TRPM4: variants seen among roughly 807,000 people sequenced by gnomAD.
TRPM4 encodes calcium-activated non-selective cation channel 1.
In TRPM4, 124 loss-of-function variants were observed where a neutral mutation model predicts 135.6. The observed-to-expected ratio is 0.91, with a 90% CI of 0.79 to 1.06. The LOEUF (loss-of-function observed/expected upper bound fraction) is 1.06, where lower values mean the gene tolerates loss of function less well. Ranked by LOEUF, TRPM4 falls within the 50% of genes least tolerant of loss-of-function variation. The pLI is 0.00. For synonymous variants in TRPM4, 745 were observed against 705.6 expected (o/e 1.06, Z -0.88); for missense variants, 1,658 against 1,671.4 (o/e 0.99, Z 0.14).
At chr19:49,191,971 C>G (rs1968428589) in intron 16 of TRPM4, among the ~76,000 whole-genome samples, 1 of 152,204 alleles carries the variant, frequency 6.6e-6, no homozygotes, top group Non-Finnish European at 1.5e-5. Context: ...TTTCTTCATG[C>G]TACACATACT....
At chr19:49,162,600 C>A (rs566625222) in intron 2 of TRPM4, among the ~76,000 whole-genome samples, 1 of 152,130 alleles carries the variant, frequency 6.6e-6, no homozygotes, top group South Asian at 2.1e-4. Flanking sequence ...TGTGGCTCCA[C>A]CGAGGAAAGA....
In TRPM4 at chr19:49,182,847, G is replaced by A; in HGVS notation, c.1533G>A (p.Leu511=). ...PDVGHVLRML[L]GKMCAPRYPS... is the part of the protein sequence containing the mutation. The stretch of plus-strand genomic sequence containing the variant: ...TGGGGCATGTGCTGAGGATGCTGCT[G>A]GGGAAGATGTGCGCGCCGAGGTACC... Residue 511 remains leucine (L), a synonymous_variant, in exon 11 of 25, where the codon CTG becomes CTA. Transcript: ENST00000252826. The A allele has an allele frequency of 6.2e-7, 1 of 1,612,060 alleles. No individual in the cohort carries two copies. Among genetic ancestry groups the A allele is most frequent in the South Asian group, 1.1e-5 (1 of 91,000 alleles).
chr19:49,189,511 G>A (rs1247247969), intron 14 of TRPM4, among the ~76,000 whole-genome samples: 1 of 151,128 alleles, frequency 6.6e-6, no homozygotes, highest in Non-Finnish European at 1.5e-5. Context: ...TCAGTTTTCA[G>A]CAGTTAGAAT....
intron 17 of TRPM4, 26 bp downstream of exon 17, chr19:49,196,900 C>T (rs1400176406): frequency 1.3e-6 from 2 of 1,545,412 alleles, no homozygotes; most frequent in East Asian, 2.4e-5. Flanking sequence ...CCTTGGAACC[C>T]TGGCCCCTGG....
chr19:49,159,482 T>A (rs2041597884), intron 2 of TRPM4: 1 of 149,050 alleles, frequency 6.7e-6, no homozygotes, highest in Admixed American at 6.7e-5. Context: ...CTTTCTAGTT[T>A]TTTGTTTTTT....
intron 19 of TRPM4, 108 bp downstream of exon 19, chr19:49,200,893 T>C (rs1968905170): frequency 8.0e-7 from 1 of 1,252,964 alleles, no homozygotes; most frequent in Admixed American, 2.0e-5. Flanking sequence ...AGTCTCTGTC[T>C]CCCTCTTTCT....
chr19:49,198,048 CAGTGATGAT>C (rs1194359681), intron 17 of TRPM4, among the ~76,000 whole-genome samples: 1 of 152,016 alleles, frequency 6.6e-6, no homozygotes, highest in Non-Finnish European at 1.5e-5. Flanking sequence ...ACAGTGATGA[CAGTGATGAT>C]CCCTACTCAA....
chr19:49,190,275 CCTT>C lies in TRPM4; in HGVS notation c.2091_2093del (p.Phe698del). ...ACACCCATCTGGGCCCTGGTTCTCG[CCTT>C]CTTTTGCCCTCCACTCATCTACACC... is the stretch of plus-strand genomic sequence containing the variant. On this transcript the variant is annotated inframe_deletion, in exon 15 of 25. Coordinates refer to ENST00000252826, the MANE Select transcript of TRPM4 (RefSeq NM_017636.4). 1.9e-6 allele frequency: 3 copies of C among 1,613,868 alleles called. No homozygotes were observed. Among genetic ancestry groups the C allele is most frequent in the Admixed American group, 1.7e-5 (1 of 59,994 alleles).
rs750433173 is a variant in TRPM4, at chr19:49,210,249, T to A, written c.3172T>A (p.Trp1058Arg). Residue 1058 changes from tryptophan (W) to arginine (R), a missense_variant, in exon 21 of 25, where the codon TGG (tryptophan) becomes AGG (arginine). By Grantham distance (101) the Trp-to-Arg change is moderately radical. This residue lies in a region of TRPM4 where 1,412 missense variants were observed against 1,408.7 expected (regional missense o/e 1.00). Transcript: ENST00000252826. This position sits in a 1 kb window ranked among gnomAD's most constrained non-coding sequence, Gnocchi z 4.1. ...GKVQGNSDLY[W>R]KAQRYRLIRE... is the part of the protein sequence containing the mutation. ...AGTACAGGGCAACAGCGATCTCTAC[T>A]GGAAGGCGCAGCGTTACCGCCTCAT... 2 of 1,614,226 alleles carry A rather than the reference T, an allele frequency of 1.2e-6. No individual in the cohort carries two copies. Among genetic ancestry groups the A allele is most frequent in the Admixed American group, 3.3e-5 (2 of 60,020 alleles).
rs1483824527 is a variant in TRPM4, at chr19:49,168,116, G to A, written c.448+19G>A. On this transcript the variant is annotated intron_variant, in intron 4 of 24. Transcript: ENST00000252826. ...AGCACAGGTGACCGAGGGTGGGTGG[G>A]GGCTGTCTCCTGGGCCTCGGCCTGC... 1 of 1,596,634 alleles carries A rather than the reference G, an allele frequency of 6.3e-7. No homozygotes were observed. Among genetic ancestry groups the A allele is most frequent in the African/African-American group, 1.3e-5 (1 of 74,716 alleles).
At chr19:49,170,040 A>G (rs967464114) in intron 6 of TRPM4, among the ~76,000 whole-genome samples, 5 of 152,170 alleles carry the variant, frequency 3.3e-5, no homozygotes, top group African/African-American at 9.7e-5. Context: ...TTTTCTTCAA[A>G]TAGGTACTTT....
Position 49,170,879 on chromosome 19 carries a change from C to T in TRPM4, c.797-478C>T, listed in dbSNP as rs557876451. 7.9e-5 allele frequency among the ~76,000 whole-genome samples: 12 copies of T among 152,186 alleles called. No homozygotes were observed. The South Asian group carries it at 1.9e-3, about 24-fold the overall frequency. On this transcript the variant is annotated intron_variant, in intron 6 of 24. Transcript: ENST00000252826. Reference sequence around the variant, plus strand: ...GGAGGATCCCTTGAGTCCAGGAATTCGAGACCAGCCTGGGCAAGATGGCAA... The same window carrying T: ...GGAGGATCCCTTGAGTCCAGGAATTTGAGACCAGCCTGGGCAAGATGGCAA...
rs534120765 is a variant in TRPM4 at position 49,203,092 on chromosome 19, C to T, written c.3131+951C>T. Among the ~76,000 whole-genome samples the T allele has an allele frequency of 2.1e-4, 32 of 151,634 alleles. No homozygotes were observed. In the South Asian group the frequency reaches 6.1e-3, roughly 29 times the overall value. On this transcript the variant is annotated intron_variant, in intron 20 of 24. Transcript: ENST00000252826. The stretch of plus-strand genomic sequence containing the variant: ...ATTTTTAGTAGAGACGGAGTTTCAC[C>T]GTGTTAACCCGGATGGTCTCAATCT...
intron 16 of TRPM4, among the ~76,000 whole-genome samples, chr19:49,193,388 A>T (rs1283273022): frequency 3.3e-5 from 5 of 152,286 alleles, no homozygotes; most frequent in African/African-American, 7.2e-5. Flanking sequence ...TCCGGAAATC[A>T]GTTCGTTTAA....
At position 49,210,054 on chromosome 19, in the gene TRPM4, C is replaced by G. The variant is rs954368930; in HGVS notation, c.3132-155C>G. On this transcript the variant is annotated intron_variant, in intron 20 of 24. Transcript: ENST00000252826. This position sits in a 1 kb window ranked among gnomAD's most constrained non-coding sequence, Gnocchi z 4.1. ...GTGACCAAACGCCCTTGGCTCTAACCTGACTTCTAATCGCATCCTGTAACC... is the reference window on the plus strand; with the variant it reads ...GTGACCAAACGCCCTTGGCTCTAACGTGACTTCTAATCGCATCCTGTAACC... 6.6e-6 allele frequency among the ~76,000 whole-genome samples: 1 copy of G among 152,184 alleles called. No homozygotes were observed. The highest frequency in any genetic ancestry group is 1.5e-5 in the Non-Finnish European group (1 of 68,028).
At position 49,210,899 on chromosome 19, in the gene TRPM4, C is replaced by A. The variant is rs1465580158; in HGVS notation, c.3461+57C>A. The A allele has an allele frequency of 3.8e-6, 6 of 1,583,646 alleles. No homozygotes were observed. Among genetic ancestry groups the A allele is most frequent in the Non-Finnish European group, 5.1e-6 (6 of 1,167,994 alleles). On this transcript the variant is annotated intron_variant, in intron 22 of 24. Transcript: ENST00000252826. The surrounding 1 kb of genome is among the most constrained non-coding windows in gnomAD (Gnocchi z 4.1). ...TCTGGCCTGGGGCGGATCCTGACTT[C>A]AGCTGAAGGCAGGGTCCTGGGAGGG...
rs1568490770 is a variant in TRPM4 at position 49,202,079 on chromosome 19, C to A, written c.3069C>A (p.Leu1023=). 8 of 1,614,110 alleles carry A rather than the reference C, an allele frequency of 5.0e-6. No homozygotes were observed. Among genetic ancestry groups the A allele is most frequent in the Non-Finnish European group, 5.9e-6 (7 of 1,180,036 alleles). ...SQYANWLVVL[L]LVIFLLVANI... is the part of the protein sequence containing the mutation. Reference sequence around the variant, plus strand: ...ATGCCAACTGGCTGGTGGTGCTGCTCCTCGTCATCTTCCTGCTCGTGGCCA... The same window carrying A: ...ATGCCAACTGGCTGGTGGTGCTGCTACTCGTCATCTTCCTGCTCGTGGCCA... The change falls in exon 20 of 25, where the codon CTC becomes CTA. Residue 1023 remains leucine (L), a synonymous_variant. Coordinates refer to ENST00000252826, the MANE Select transcript of TRPM4 (RefSeq NM_017636.4).
Position 49,172,123 on chromosome 19 carries a change from C to G in TRPM4, c.1150+15C>G, listed in dbSNP as rs368936434. On this transcript the variant is annotated intron_variant, in intron 9 of 24. Coordinates refer to ENST00000252826, the MANE Select transcript of TRPM4 (RefSeq NM_017636.4). ...CCTTGTGAAGGGTAAAAGTTGTACC[C>G]TCCAGTCTTCCCCCTCTCTCAGTTC... The G allele has an allele frequency of 1.8e-4, 279 of 1,585,736 alleles. No individual in the cohort carries two copies. The Middle Eastern group carries it at 1.8e-3, about 10-fold the overall frequency.
chr19:49,209,743 CTT>C (rs780991215), intron 20 of TRPM4, among the ~76,000 whole-genome samples: 1,351 of 105,672 alleles, frequency 0.013, 10 homozygotes, highest in African/African-American at 0.036. Context: ...TCTAAACTGA[CTT>C]TTTTTTTTTT....
Sources: allele counts gnomAD v4.1 joint callset (sites outside exome capture counted in the v4.1 genomes callset), GRCh38; gene constraint gnomAD v4.1.1; regional missense constraint gnomAD v4.1.1; non-coding constraint Gnocchi (gnomAD v3.1); transcripts MANE v1.5; gene names NCBI Gene and HGNC (gene_info 2026-07-23, HGNC 2026-07-21).